Variants in MAP3K4 observed in about 807,000 individuals in gnomAD.
MAP3K4 encodes the protein MAP three kinase 1.
Under a neutral mutation model 185.6 loss-of-function variants are expected in MAP3K4, and 67 were observed. That is an observed-to-expected ratio of 0.36 (90% CI 0.30 to 0.44). MAP3K4 has a LOEUF of 0.44. Ranked by LOEUF, MAP3K4 falls within the 20% of genes least tolerant of loss-of-function variation. MAP3K4 has a pLI of 1.00. For synonymous variants in MAP3K4, 702 were observed against 710.4 expected, an observed-to-expected ratio of 0.99 and a Z score of 0.19; for missense variants, 1,551 against 1,995.1, an observed-to-expected ratio of 0.78 and a Z score of 4.24.
chr6:161,109,063 T>C lies in MAP3K4; in HGVS notation c.4236+204T>C, dbSNP rs1183107698. 1 of 1,450,336 alleles carries C rather than the reference T, an allele frequency of 6.9e-7. No homozygotes were observed. The highest frequency in any genetic ancestry group is 2.0e-5 in the Admixed American group (1 of 50,808). The allele number at this position is 1,450,336 out of a possible 1,614,324, so 89.8% of individuals were successfully genotyped here. ...AAATGTAAGTTGTAGACTGTAGTCA[T>C]TAACCCGACATCATAAAGCACTGAA... On this transcript the variant is annotated intron_variant, in intron 22 of 26. Coordinates refer to ENST00000392142, the MANE Select transcript of MAP3K4 (RefSeq NM_005922.4). The surrounding 1 kb of genome is among the most constrained non-coding windows in gnomAD (Gnocchi z 5.7).
Position 161,082,566 on chromosome 6 carries a change from G to A in MAP3K4, c.2255+1528G>A, listed in dbSNP as rs1045748137. On this transcript the variant is annotated intron_variant, in intron 6 of 26. Coordinates refer to ENST00000392142, the MANE Select transcript of MAP3K4 (RefSeq NM_005922.4). The surrounding 1 kb of genome is among the most constrained non-coding windows in gnomAD (Gnocchi z 4.2). ...AACAGTCCACTTTTATTCTAGTTCTGGACTCCACTGCATTTTATCTGTTGT... is the reference window on the plus strand; with the variant it reads ...AACAGTCCACTTTTATTCTAGTTCTAGACTCCACTGCATTTTATCTGTTGT... Among the ~76,000 whole-genome samples the A allele has an allele frequency of 3.3e-5, 5 of 151,864 alleles. No homozygotes were observed. Among genetic ancestry groups the A allele is most frequent in the Admixed American group, 1.3e-4 (2 of 15,264 alleles).
rs945627093 is a variant in MAP3K4, at chr6:161,065,482, G to A, written c.1708-5126G>A. ...GCAAGATCCAGGCCTTTTCTTTATA[G>A]TGTACTTAAAATTGTGTTTTTAATA... On this transcript the variant is annotated intron_variant, in intron 3 of 26. Coordinates refer to ENST00000392142, the MANE Select transcript of MAP3K4 (RefSeq NM_005922.4). 2.0e-5 allele frequency among the ~76,000 whole-genome samples: 3 copies of A among 152,256 alleles called. No individual in the cohort carries two copies. The South Asian group carries it at 6.2e-4, about 32-fold the overall frequency.
intron 2 of MAP3K4, among the ~76,000 whole-genome samples, chr6:161,036,950 A>G (rs767734494): frequency 6.6e-6 from 1 of 152,244 alleles, no homozygotes; most frequent in Non-Finnish European, 1.5e-5. Context: ...AGCATTTCAG[A>G]TAAAGGACTT....
Position 161,008,699 on chromosome 6 carries a change from A to C in MAP3K4, c.152+16616A>C, listed in dbSNP as rs1380122652. Among the ~76,000 whole-genome samples, 1 of 152,334 alleles carries C rather than the reference A, an allele frequency of 6.6e-6. No individual in the cohort carries two copies. The highest frequency in any genetic ancestry group is 6.5e-5 in the Admixed American group (1 of 15,306). ...GTTATAAAGTTTACCTAAGTGAAGA[A>C]ATAAAATGTGAGCAGCATCCTAGAA... On this transcript the variant is annotated intron_variant, in intron 1 of 26. Coordinates refer to ENST00000392142, the MANE Select transcript of MAP3K4 (RefSeq NM_005922.4). This position sits in a 1 kb window ranked among gnomAD's most constrained non-coding sequence, Gnocchi z 4.1.
In MAP3K4 at chr6:161,067,670, G is replaced by C. The variant is rs1298699579; in HGVS notation, c.1708-2938G>C. On this transcript the variant is annotated intron_variant, in intron 3 of 26. Coordinates refer to ENST00000392142, the MANE Select transcript of MAP3K4 (RefSeq NM_005922.4). This position sits in a 1 kb window ranked among gnomAD's most constrained non-coding sequence, Gnocchi z 6.3. ...TGTGTTCTTCCAACTTTATATTTTAGTGGTTATATACTAACATTGTTTGAT... is the reference window on the plus strand; with the variant it reads ...TGTGTTCTTCCAACTTTATATTTTACTGGTTATATACTAACATTGTTTGAT... Among the ~76,000 whole-genome samples, 2 of 152,186 alleles carry C rather than the reference G, an allele frequency of 1.3e-5. No individual in the cohort carries two copies. Among genetic ancestry groups the C allele is most frequent in the East Asian group, 1.9e-4 (1 of 5,196 alleles).
chr6:161,060,602 G>A (rs181399052), intron 3 of MAP3K4, among the ~76,000 whole-genome samples: 1 of 145,114 alleles, frequency 6.9e-6, no homozygotes, highest in Non-Finnish European at 1.5e-5. Context: ...AGTCAGATAT[G>A]TTTTGTTTTC....
intron 1 of MAP3K4, among the ~76,000 whole-genome samples, chr6:160,997,753 A>G (rs1030722212): frequency 5.3e-5 from 8 of 152,210 alleles, no homozygotes; most frequent in Non-Finnish European, 7.3e-5. Context: ...GACTCAAACT[A>G]CATGGTACAT....
In MAP3K4 at chr6:161,059,088, T is replaced by G. The variant is rs149688503; in HGVS notation, c.1707+9109T>G. ...AAACAGTGCAGGAGAAATTTGATTT[T>G]TCCTCATTTTTATAACCATGATCAG... On this transcript the variant is annotated intron_variant, in intron 3 of 26. Transcript: ENST00000392142. 8.0e-3 allele frequency among the ~76,000 whole-genome samples: 1,213 copies of G among 152,270 alleles called. 15 individuals carry two copies. Among genetic ancestry groups the G allele is most frequent in the African/African-American group, 0.027 (1,133 of 41,544 alleles).
rs1044600198 is a variant in MAP3K4 at position 161,048,230 on chromosome 6, A to G, written c.344-386A>G. 2 of 535,262 alleles carry G rather than the reference A, an allele frequency of 3.7e-6. No homozygotes were observed. The highest frequency in any genetic ancestry group is 7.6e-6 in the Non-Finnish European group (2 of 262,178). The allele number at this position is 535,262 out of a possible 1,614,324, so 33.2% of individuals were successfully genotyped here. A position where few individuals can be genotyped will look rare whatever the true frequency, so the allele number is the denominator to read the frequency against. ...CTAATGACAAATGCAGGAATTAAAT[A>G]TATTTTCTCATCCAGGTGTCCGTCA... is the stretch of plus-strand genomic sequence containing the variant. On this transcript the variant is annotated intron_variant, in intron 2 of 26. Coordinates refer to ENST00000392142, the MANE Select transcript of MAP3K4 (RefSeq NM_005922.4). This position sits in a 1 kb window ranked among gnomAD's most constrained non-coding sequence, Gnocchi z 4.7.
chr6:161,080,689 G>A lies in MAP3K4; in HGVS notation c.2098-192G>A. On this transcript the variant is annotated intron_variant, in intron 5 of 26. Coordinates refer to ENST00000392142, the MANE Select transcript of MAP3K4 (RefSeq NM_005922.4). The surrounding 1 kb of genome is among the most constrained non-coding windows in gnomAD (Gnocchi z 4.8). ...GTTAAATTGCTGGGGAGTTAGTTTT[G>A]TGATTTTTTAAAAAATCCTCATTTA... 1 of 537,722 alleles carries A rather than the reference G, an allele frequency of 1.9e-6. No homozygotes were observed. The highest frequency in any genetic ancestry group is 3.3e-6 in the Non-Finnish European group (1 of 304,264). 33.3% of individuals were successfully genotyped at this position (537,722 alleles called of 1,614,324 possible).
intron 1 of MAP3K4, among the ~76,000 whole-genome samples, chr6:161,025,197 C>T (rs1367878254): frequency 6.6e-6 from 1 of 152,214 alleles, no homozygotes; most frequent in African/African-American, 2.4e-5. Flanking sequence ...GAATATTCCT[C>T]ACTTGCTGGT....
intron 25 of MAP3K4, among the ~76,000 whole-genome samples, chr6:161,113,700 A>T (rs1463535452): frequency 3.3e-5 from 5 of 152,176 alleles, no homozygotes; most frequent in Admixed American, 6.5e-5. Context: ...GTCTGTTAAC[A>T]AAAGAAAACA....
rs1437994310 is a variant in MAP3K4 at position 161,022,562 on chromosome 6, A to G, written c.153-11697A>G. On this transcript the variant is annotated intron_variant, in intron 1 of 26. Transcript: ENST00000392142. The surrounding 1 kb of genome is among the most constrained non-coding windows in gnomAD (Gnocchi z 4.2). ...TCTCCACCTGGAGGGACTTTGTCCC[A>G]CAGGAGAAGTGATCCTTATCAGTGT... 6.6e-6 allele frequency among the ~76,000 whole-genome samples: 1 copy of G among 152,218 alleles called. No homozygotes were observed. The highest frequency in any genetic ancestry group is 6.5e-5 in the Admixed American group (1 of 15,280).
In MAP3K4 at chr6:161,116,248, C is replaced by T. The variant is rs1778588578; in HGVS notation, c.4807-602C>T. Among the ~76,000 whole-genome samples, 1 of 151,982 alleles carries T rather than the reference C, an allele frequency of 6.6e-6. No homozygotes were observed. The highest frequency in any genetic ancestry group is 2.4e-5 in the African/African-American group (1 of 41,356). Reference sequence around the variant, plus strand: ...GGTGGGTCCTCTTTGGTGGATGAAGCTTGGGGTACATTTGGAGCATCTGCT... The same window carrying T: ...GGTGGGTCCTCTTTGGTGGATGAAGTTTGGGGTACATTTGGAGCATCTGCT... On this transcript the variant is annotated intron_variant, in intron 26 of 26. Coordinates refer to ENST00000392142, the MANE Select transcript of MAP3K4 (RefSeq NM_005922.4). This position sits in a 1 kb window ranked among gnomAD's most constrained non-coding sequence, Gnocchi z 6.2.
Position 161,101,700 on chromosome 6 carries a change from G to C in MAP3K4, c.3675-192G>C. 3.6e-6 allele frequency: 2 copies of C among 553,770 alleles called. No individual in the cohort carries two copies. Among genetic ancestry groups the C allele is most frequent in the East Asian group, 3.2e-5 (1 of 31,572 alleles). The allele number at this position is 553,770 out of a possible 1,614,324, so 34.3% of individuals were successfully genotyped here. On this transcript the variant is annotated intron_variant, in intron 17 of 26. Coordinates refer to ENST00000392142, the MANE Select transcript of MAP3K4 (RefSeq NM_005922.4). This position sits in a 1 kb window ranked among gnomAD's most constrained non-coding sequence, Gnocchi z 5.1. ...GGGCTGATTCTGGTGGGTCTGTCCTGTGCGTTTTCCGCTGCCCACTAGATG... is the reference window on the plus strand; with the variant it reads ...GGGCTGATTCTGGTGGGTCTGTCCTCTGCGTTTTCCGCTGCCCACTAGATG...
intron 1 of MAP3K4, among the ~76,000 whole-genome samples, chr6:161,009,754 T>C (rs1455799860): frequency 6.6e-6 from 1 of 152,204 alleles, no homozygotes; most frequent in African/African-American, 2.4e-5. Flanking sequence ...ATGAGTTTAT[T>C]CTTGACATTA....
At position 161,080,424 on chromosome 6, in the gene MAP3K4, A is replaced by C. The variant is rs1215511664; in HGVS notation, c.2098-457A>C. Among the ~76,000 whole-genome samples the C allele has an allele frequency of 6.6e-6, 1 of 151,970 alleles. No homozygotes were observed. The highest frequency in any genetic ancestry group is 2.1e-4 in the South Asian group (1 of 4,810). On this transcript the variant is annotated intron_variant, in intron 5 of 26. Coordinates refer to ENST00000392142, the MANE Select transcript of MAP3K4 (RefSeq NM_005922.4). This position sits in a 1 kb window ranked among gnomAD's most constrained non-coding sequence, Gnocchi z 4.8. Reference sequence around the variant, plus strand: ...AGCCTTGAAAACATTTTATCACGCAAATCCGGATGTTAGGAAGGGGTGGTG... The same window carrying C: ...AGCCTTGAAAACATTTTATCACGCACATCCGGATGTTAGGAAGGGGTGGTG...
In MAP3K4 at chr6:161,116,852, T is replaced by C. The variant is rs1297018784; in HGVS notation, c.4809T>C (p.Val1603=). 6.2e-7 allele frequency: 1 copy of C among 1,614,144 alleles called. No individual in the cohort carries two copies. Among genetic ancestry groups the C allele is most frequent in the Admixed American group, 1.7e-5 (1 of 60,026 alleles). The change falls in exon 27 of 27, where the codon GTT becomes GTC. Residue 1603 remains valine (V), a splice_region_variant and synonymous_variant. Transcript: ENST00000392142. The surrounding 1 kb of genome is among the most constrained non-coding windows in gnomAD (Gnocchi z 6.2). The part of the protein sequence containing the change: ...SQLLDHSFVK[V]CTDEE ...AGCTCTCTCCTGCTTCCTCACAGGT[T>C]TGCACAGATGAAGAATGAAGCCTAG...
At chr6:161,039,289 A>AC in intron 2 of MAP3K4, among the ~76,000 whole-genome samples, 1 of 151,762 alleles carries the variant, frequency 6.6e-6, no homozygotes, top group Admixed American at 6.6e-5. Flanking sequence ...CAAAAAAAAA[A>AC]AAAAAAAAAA....
Sources: allele counts gnomAD v4.1 joint callset (sites outside exome capture counted in the v4.1 genomes callset), GRCh38; gene constraint gnomAD v4.1.1; non-coding constraint Gnocchi (gnomAD v3.1); transcripts MANE v1.5; gene names NCBI Gene and HGNC (gene_info 2026-07-23, HGNC 2026-07-21).